Variants in TBC1D7 observed in about 807,000 individuals in gnomAD.
The protein encoded by TBC1D7 is TBC1 domain family member 7.
TBC1D7 carries 33 observed loss-of-function variants against 35.3 expected under a neutral mutation model. That is an observed-to-expected ratio of 0.93 (90% CI 0.71 to 1.25). The LOEUF is 1.25. Ranked by LOEUF, TBC1D7 falls within the 50% of genes most tolerant of loss-of-function variation. The pLI, the probability that TBC1D7 is intolerant of heterozygous loss-of-function variation, is 0.00. For synonymous variants in TBC1D7, 135 were observed against 129.5 expected, an observed-to-expected ratio of 1.04 and a Z score of -0.29; for missense variants, 362 against 365.3, an observed-to-expected ratio of 0.99 and a Z score of 0.07.
intron 5 of TBC1D7, among the ~76,000 whole-genome samples, chr6:13,314,804 C>A (rs1050269354): frequency 1.3e-5 from 2 of 151,962 alleles, no homozygotes; most frequent in African/African-American, 4.8e-5. Context: ...ACCACAGTTA[C>A]CACTTTCAGT....
intron 4 of TBC1D7, chr6:13,320,569 TAAC>T: frequency 1.7e-6 from 1 of 572,418 alleles, no homozygotes; most frequent in Non-Finnish European, 3.1e-6. Flanking sequence ...TTTTATTTTT[TAAC>T]TTTTTAAATA....
At chr6:13,319,164 G>A (rs1783845393) in intron 4 of TBC1D7, 1 of 152,244 alleles carries the variant, frequency 6.6e-6, no homozygotes, top group Admixed American at 6.5e-5. Flanking sequence ...GACAAAGACT[G>A]AAGAACTGTT....
intron 3 of TBC1D7, among the ~76,000 whole-genome samples, chr6:13,323,023 C>T (rs1033472572): frequency 6.6e-6 from 1 of 152,158 alleles, no homozygotes; most frequent in Non-Finnish European, 1.5e-5. Flanking sequence ...CTCTAAACTT[C>T]CAGTGCCTTG....
chr6:13,323,084 G>A (rs918364082), intron 3 of TBC1D7, among the ~76,000 whole-genome samples: 12 of 152,214 alleles, frequency 7.9e-5, no homozygotes, highest in African/African-American at 2.7e-4. Flanking sequence ...CGAGCGCGGT[G>A]TCTCATGCCT....
At chr6:13,315,920 G>A (rs576496632) in intron 5 of TBC1D7, among the ~76,000 whole-genome samples, 12 of 152,234 alleles carry the variant, frequency 7.9e-5, no homozygotes, top group Non-Finnish European at 1.8e-4. Context: ...TGTACATGCA[G>A]AGGGAAAGCC....
chr6:13,313,583 G>C (rs1263803116), intron 5 of TBC1D7, among the ~76,000 whole-genome samples: 1 of 152,220 alleles, frequency 6.6e-6, no homozygotes, highest in Non-Finnish European at 1.5e-5. Flanking sequence ...AGGGAGCCTG[G>C]ACAAGGGCAT....
rs997557116 is a variant in TBC1D7 at position 13,305,367 on chromosome 6, C to G, written c.796-180G>C. Among the ~76,000 whole-genome samples the G allele has an allele frequency of 2.6e-5, 4 of 152,222 alleles. No individual in the cohort carries two copies. The South Asian group carries it at 6.2e-4, about 24-fold the overall frequency. On this transcript the variant is annotated intron_variant, in intron 7 of 7. Transcript: ENST00000379300. Reference sequence around the variant, plus strand: ...GACATGAAAGGGCTCCAGTGTCAGCCTGCCTGGGTTCAAATCCTGCACTGC... The same window carrying G: ...GACATGAAAGGGCTCCAGTGTCAGCGTGCCTGGGTTCAAATCCTGCACTGC...
chr6:13,316,704 G>T lies in TBC1D7; in HGVS notation c.386C>A (p.Pro129Gln), dbSNP rs1314030821. Residue 129 changes from proline (P) to glutamine (Q), a missense_variant, in exon 5 of 8, where the codon CCA becomes CAA. Transcript: ENST00000379300. The part of the protein sequence containing the change: ...LPRSPSFPLE[P>Q]DDEVFLAIAK... Reference sequence around the variant, plus strand: ...TATGGCAAGAAACACTTCATCATCTGGCTCCTGAAAGATTAATAATAAATC... The same window carrying T: ...TATGGCAAGAAACACTTCATCATCTTGCTCCTGAAAGATTAATAATAAATC... 1.2e-6 allele frequency: 2 copies of T among 1,613,608 alleles called. No individual in the cohort carries two copies. The highest frequency in any genetic ancestry group is 1.7e-6 in the Non-Finnish European group (2 of 1,179,824).
At position 13,308,242 on chromosome 6, in the gene TBC1D7, G is replaced by GA. The variant is rs550123368; in HGVS notation, c.520-498dup. 1.1e-3 allele frequency among the ~76,000 whole-genome samples: 160 copies of GA among 152,312 alleles called. 1 individual carries two copies. Among genetic ancestry groups the GA allele is most frequent in the African/African-American group, 3.6e-3 (149 of 41,574 alleles). On this transcript the variant is annotated intron_variant, in intron 5 of 7. Coordinates refer to ENST00000379300, the MANE Select transcript of TBC1D7 (RefSeq NM_016495.6). ...CATTAGGAAGAGTAAGACAAAAAGT[G>GA]ATGGTGATGAGAAGGGGCTGACCAG...
At chr6:13,315,654 T>C (rs1783552986) in intron 5 of TBC1D7, among the ~76,000 whole-genome samples, 1 of 152,092 alleles carries the variant, frequency 6.6e-6, no homozygotes, top group Non-Finnish European at 1.5e-5. Context: ...GAGGCAGAGG[T>C]TGCAGTGAGC....
intron 5 of TBC1D7, 34 bp from the exon 6 acceptor site, chr6:13,307,779 T>C (rs1782913328): frequency 6.3e-7 from 1 of 1,596,628 alleles, no homozygotes; most frequent in African/African-American, 1.3e-5. Flanking sequence ...ATTATTCATT[T>C]TCTGTGTCAT....
chr6:13,312,776 A>T (rs1387029047), intron 5 of TBC1D7, among the ~76,000 whole-genome samples: 3 of 143,434 alleles, frequency 2.1e-5, no homozygotes, highest in African/African-American at 8.5e-5. Context: ...TTAACCAGTA[A>T]GACACAAAAA....
intron 5 of TBC1D7, among the ~76,000 whole-genome samples, chr6:13,309,996 T>G (rs1381341779): frequency 6.6e-6 from 1 of 152,096 alleles, no homozygotes; most frequent in African/African-American, 2.4e-5. Flanking sequence ...TGCCTACCTA[T>G]CAGAATGGCA....
intron 2 of TBC1D7, 88 bp from the exon 3 acceptor site, chr6:13,325,262 T>C (rs1429639057): frequency 4.3e-6 from 4 of 930,878 alleles, no homozygotes; most frequent in Middle Eastern, 2.2e-4. Flanking sequence ...ACTCAAAGAA[T>C]AGTTAAGACA....
chr6:13,307,274 C>T, intron 6 of TBC1D7: 1 of 209,440 alleles, frequency 4.8e-6, no homozygotes, highest in Non-Finnish European at 9.6e-6. Context: ...TTAAAGATAT[C>T]ATGATGAAAC....
chr6:13,313,922 G>C (rs183824810), intron 5 of TBC1D7, among the ~76,000 whole-genome samples: 19 of 152,210 alleles, frequency 1.2e-4, no homozygotes, highest in African/African-American at 4.3e-4. Context: ...AACAAAAATA[G>C]AACCATAGGG....
At chr6:13,317,345 G>A (rs572234073) in intron 4 of TBC1D7, among the ~76,000 whole-genome samples, 2 of 152,216 alleles carry the variant, frequency 1.3e-5, no homozygotes, top group East Asian at 1.9e-4. Flanking sequence ...TAGAAAAACC[G>A]GGACCTTATT....
chr6:13,324,607 T>C (rs1784280482), intron 3 of TBC1D7, among the ~76,000 whole-genome samples: 1 of 152,200 alleles, frequency 6.6e-6, no homozygotes, highest in Non-Finnish European at 1.5e-5. Context: ...GTTTTCCTTC[T>C]CACTCAGCCA....
At chr6:13,314,388 T>C (rs1484333976) in intron 5 of TBC1D7, among the ~76,000 whole-genome samples, 1 of 152,200 alleles carries the variant, frequency 6.6e-6, no homozygotes, top group African/African-American at 2.4e-5. Context: ...GCTGAATTTC[T>C]TTTGAGAATG....
Sources: gnomAD v4.1 joint callset for allele counts (sites outside exome capture counted in the v4.1 genomes callset) on GRCh38, gnomAD v4.1.1 for gene constraint, MANE v1.5 for transcripts, NCBI Gene and HGNC (gene_info 2026-07-23, HGNC 2026-07-21) for gene names.